The following PDK2 variants were observed in gnomAD, a reference collection of about 807,000 sequenced individuals.
The protein encoded by PDK2 is pyruvate dehydrogenase kinase, isozyme 2.
PDK2 carries 34 observed loss-of-function variants against 50.4 expected under a neutral mutation model. The observed-to-expected ratio is 0.68, with a 90% confidence interval of 0.51 to 0.90. PDK2 has a LOEUF of 0.90. Ranked by LOEUF, PDK2 falls within the 40% of genes least tolerant of loss-of-function variation. The probability of loss-of-function intolerance (pLI) is 0.00; values close to 1 mark genes in which losing one functional copy is unlikely to be tolerated. For synonymous variants in PDK2, 232 were observed against 216.0 expected (o/e 1.07, Z -0.65); for missense variants, 377 against 544.5 (o/e 0.69, Z 3.06).
chr17:50,107,228 G>A, intron 6 of PDK2, 75 bp downstream of exon 6: 1 of 1,059,394 alleles, frequency 9.4e-7, no homozygotes, highest in Non-Finnish European at 1.5e-6. Context: ...CGGGGAGTCA[G>A]GAGATGGACT....
At chr17:50,105,263 TG>T in intron 2 of PDK2, 107 bp from the exon 3 acceptor site, 1 of 642,534 alleles carries the variant, frequency 1.6e-6, no homozygotes, top group Non-Finnish European at 2.5e-6. Flanking sequence ...CAGCTCTGTG[TG>T]GGGCCCGCGT....
Position 50,108,173 on chromosome 17 carries a change from C to A in PDK2, c.703C>A (p.Pro235Thr), listed in dbSNP as rs988070261. 4 of 1,595,398 alleles carry A rather than the reference C, an allele frequency of 2.5e-6. No homozygotes were observed. The highest frequency in any genetic ancestry group is 3.4e-6 in the Non-Finnish European group (4 of 1,169,486). ...CCCTGTAGCAGCCAACTCCAAACAG[C>A]CGATTCACATGGTCTACGTCCCCTC... ...QEINAANSKQ[P>T]IHMVYVPSHL... Residue 235 changes from proline (P) to threonine (T), a missense_variant, in exon 7 of 11, where the codon CCG becomes ACG. Coordinates refer to ENST00000503176, the MANE Select transcript of PDK2 (RefSeq NM_002611.5).
chr17:50,107,079 C>T lies in PDK2; in HGVS notation c.611C>T (p.Ala204Val), dbSNP rs1420840526. 1.2e-6 allele frequency: 2 copies of T among 1,613,980 alleles called. No homozygotes were observed. Among genetic ancestry groups the T allele is most frequent in the Admixed American group, 1.7e-5 (1 of 60,018 alleles). The stretch of plus-strand genomic sequence containing the variant: ...GAATGACCCCATCTTCTCTCAGATG[C>T]CTACGACATGGCTAAGCTCCTGTGT... The part of the protein sequence containing the change: ...NCNVSEVVKD[A>V]YDMAKLLCDK... The change falls in exon 6 of 11, where the codon GCC becomes GTC. Residue 204 changes from alanine (A) to valine (V), a missense_variant. By Grantham distance (64) the Ala-to-Val change is moderately conservative. Around this residue, in one of 3 missense-constraint regions of PDK2, gnomAD observed 214 missense variants for 294.0 expected, o/e 0.73. Coordinates refer to ENST00000503176, the MANE Select transcript of PDK2 (RefSeq NM_002611.5).
intron 2 of PDK2, chr17:50,100,937 G>C (rs1353319157): frequency 6.6e-6 from 1 of 152,348 alleles, no homozygotes; most frequent in Non-Finnish European, 1.5e-5. Flanking sequence ...GTCTGTGGGA[G>C]AGCAGAACTC....
At chr17:50,106,565 A>C in intron 4 of PDK2, 2 of 581,304 alleles carry the variant, frequency 3.4e-6, no homozygotes, top group South Asian at 4.4e-5. Context: ...AGACCTCTGA[A>C]AAGACGTCTG....
intron 4 of PDK2, 73 bp downstream of exon 4, chr17:50,106,142 A>T: frequency 6.5e-7 from 1 of 1,547,646 alleles, no homozygotes. Flanking sequence ...CGGGCTGCTG[A>T]GGGGACCTAG....
At chr17:50,097,752 C>G (rs1910022968) in intron 2 of PDK2, 188 bp downstream of exon 2, 4 of 599,356 alleles carry the variant, frequency 6.7e-6, no homozygotes, top group Non-Finnish European at 1.2e-5. Flanking sequence ...GGACTGAGGT[C>G]AAGCTCCTAG....
In PDK2 at chr17:50,106,809, G is replaced by A; in HGVS notation, c.533G>A (p.Gly178Asp). 6.2e-7 allele frequency: 1 copy of A among 1,614,092 alleles called. No homozygotes were observed. The highest frequency in any genetic ancestry group is 8.5e-7 in the Non-Finnish European group (1 of 1,180,022). ...CTGCCTGCAGCCCTCATCTTTGATG[G>A]CAGCACCAACCCAGCCCATCCCAAA... ...LINQHTLIFD[G>D]STNPAHPKHI... The change falls in exon 5 of 11, where the codon GGC becomes GAC. Residue 178 changes from glycine to aspartate, a missense_variant. By Grantham distance (94) the Gly-to-Asp change is moderately conservative. Around this residue, in one of 3 missense-constraint regions of PDK2, gnomAD observed 63 missense variants for 135.1 expected, o/e 0.47. Coordinates refer to ENST00000503176, the MANE Select transcript of PDK2 (RefSeq NM_002611.5).
intron 2 of PDK2, among the ~76,000 whole-genome samples, chr17:50,104,655 G>C (rs1270780748): frequency 6.6e-6 from 1 of 152,204 alleles, no homozygotes; most frequent in Non-Finnish European, 1.5e-5. Flanking sequence ...AGGTGGCAGG[G>C]CATCACCCAC....
chr17:50,110,387 C>T lies in PDK2; in HGVS notation c.*290C>T, dbSNP rs1910768625. ...GAGACATTTTCCCATGGCAGTCCTC[C>T]TCTCTGAGACCAGGGCTGTCACTTT... On this transcript the variant is annotated 3_prime_UTR_variant, in exon 11 of 11. Coordinates refer to ENST00000503176, the MANE Select transcript of PDK2 (RefSeq NM_002611.5). 3.6e-6 allele frequency: 1 copy of T among 275,220 alleles called. No individual in the cohort carries two copies. The highest frequency in any genetic ancestry group is 5.0e-5 in the Admixed American group (1 of 20,140). 17.0% of individuals were successfully genotyped at this position (275,220 alleles called of 1,614,324 possible).
intron 1 of PDK2, among the ~76,000 whole-genome samples, chr17:50,096,691 TAG>T (rs1247065448): frequency 2.0e-5 from 3 of 152,112 alleles, no homozygotes; most frequent in African/African-American, 7.2e-5. Flanking sequence ...GGGCTCACAG[TAG>T]AGTTTGGTCA....
At chr17:50,104,355 A>T in intron 2 of PDK2, 1 of 152,392 alleles carries the variant, frequency 6.6e-6, no homozygotes, top group Non-Finnish European at 1.5e-5. Context: ...GGTTCAAGCG[A>T]TTCTCCTACC....
In PDK2 at chr17:50,106,079, G is replaced by C. The variant is rs1461750860; in HGVS notation, c.517+10G>C. 1 of 1,589,780 alleles carries C rather than the reference G, an allele frequency of 6.3e-7. No homozygotes were observed. The highest frequency in any genetic ancestry group is 1.1e-5 in the South Asian group (1 of 87,858). ...CTCATCAACCAGCACAGTGGGTGCCGGCCACAGCGGCGGGGAGCGGGCGGT... is the reference window on the plus strand; with the variant it reads ...CTCATCAACCAGCACAGTGGGTGCCCGCCACAGCGGCGGGGAGCGGGCGGT... On this transcript the variant is annotated intron_variant, in intron 4 of 10. Transcript: ENST00000503176.
Position 50,110,252 on chromosome 17 carries a change from G to A in PDK2, c.*155G>A, listed in dbSNP as rs1056031873. On this transcript the variant is annotated 3_prime_UTR_variant, in exon 11 of 11. Transcript: ENST00000503176. ...GAAGTCACTGCGGTGATAGGTCTGT[G>A]ATGGTCCCTAAGTGCCAGTCCATCT... is the stretch of plus-strand genomic sequence containing the variant. 1.3e-6 allele frequency: 1 copy of A among 771,038 alleles called. No homozygotes were observed. The highest frequency in any genetic ancestry group is 1.8e-5 in the African/African-American group (1 of 56,866). 47.8% of individuals were successfully genotyped at this position (771,038 alleles called of 1,614,324 possible).
chr17:50,096,034 C>A, intron 1 of PDK2: 1 of 814,098 alleles, frequency 1.2e-6, no homozygotes, highest in Non-Finnish European at 1.5e-6. Context: ...CACCCCTGGG[C>A]AGAGGGTGAG....
At chr17:50,100,571 G>A (rs1910173363) in intron 2 of PDK2, 3 of 152,236 alleles carry the variant, frequency 2.0e-5, no homozygotes. Flanking sequence ...GCCCACAGAG[G>A]ATGTAATTGT....
chr17:50,096,787 G>A (rs2144342989), intron 1 of PDK2, among the ~76,000 whole-genome samples: 1 of 152,330 alleles, frequency 6.6e-6, no homozygotes, highest in Admixed American at 6.5e-5. Context: ...AGAGCCTGAT[G>A]GACTGGAACC....
At chr17:50,097,611 G>A (rs1178216535) in intron 2 of PDK2, 47 bp downstream of exon 2, 2 of 1,599,654 alleles carry the variant, frequency 1.3e-6, no homozygotes, top group Non-Finnish European at 1.7e-6. Flanking sequence ...CATCGCCAGT[G>A]TCCCTGGGCT....
At chr17:50,106,655 G>A (rs1389142931) in intron 4 of PDK2, 139 bp from the exon 5 acceptor site, 1 of 711,996 alleles carries the variant, frequency 1.4e-6, no homozygotes, top group Non-Finnish European at 2.5e-6. Flanking sequence ...GACAGAAGCG[G>A]GGGAGTGGGG....
Sources: allele counts gnomAD v4.1 joint callset (sites outside exome capture counted in the v4.1 genomes callset), GRCh38; gene constraint gnomAD v4.1.1; regional missense constraint gnomAD v4.1.1; transcripts MANE v1.5; gene names NCBI Gene and HGNC (gene_info 2026-07-23, HGNC 2026-07-21).